ADCY8: variants seen among roughly 807,000 people sequenced by gnomAD.
ADCY8 encodes adenylate cyclase 8.
ADCY8 carries 51 observed loss-of-function variants against 119.7 expected under a neutral mutation model. The ratio of observed to expected loss-of-function variants is 0.43; its 90% CI spans 0.34 to 0.54. The LOEUF is 0.54. ADCY8 is among the 20% of genes least tolerant of loss of function. The probability of loss-of-function intolerance (pLI) is 0.03; values close to 1 mark genes in which losing one functional copy is unlikely to be tolerated. For synonymous variants in ADCY8, 665 were observed against 651.0 expected (o/e 1.02, Z -0.33); for missense variants, 1,383 against 1,598.8 (o/e 0.87, Z 2.30).
chr8:131,039,570 GT>G lies in ADCY8; in HGVS notation c.763del (p.Thr255ProfsTer17). On this transcript the variant is annotated frameshift_variant, in exon 1 of 18. Transcript: ENST00000286355. LOFTEE classifies it high-confidence loss of function. ...SGVVTWVAMTTQILAAGLGYG... is the reference protein window; with the variant it reads ...SGVVTWVAMTXQILAAGLGYG... ...GCCGAGGCCTGCTGCCAGGATCTGG[GT>G]GGTCATGGCCACCCAGGTGACCACG... is the stretch of plus-strand genomic sequence containing the variant. The G allele has an allele frequency of 6.2e-7, 1 of 1,613,882 alleles. No homozygotes were observed. The highest frequency in any genetic ancestry group is 1.6e-4 in the Middle Eastern group (1 of 6,062).
chr8:130,869,137 A>C (rs575614311), intron 8 of ADCY8, among the ~76,000 whole-genome samples: 1 of 152,296 alleles, frequency 6.6e-6, no homozygotes, highest in Admixed American at 6.5e-5. Context: ...CTGTTCAGAG[A>C]CTGCACAGTT....
intron 9 of ADCY8, among the ~76,000 whole-genome samples, chr8:130,864,790 C>A (rs1259516001): frequency 2.0e-5 from 3 of 151,996 alleles, no homozygotes; most frequent in Non-Finnish European, 4.4e-5. Flanking sequence ...CTATTAGAAC[C>A]TTTAATATAT....
At chr8:131,038,360 T>G (rs1824231096) in intron 1 of ADCY8, among the ~76,000 whole-genome samples, 1 of 152,208 alleles carries the variant, frequency 6.6e-6, no homozygotes, top group Non-Finnish European at 1.5e-5. Flanking sequence ...ACCAGCCATC[T>G]GTTTGAAAAC....
intron 8 of ADCY8, among the ~76,000 whole-genome samples, chr8:130,874,682 T>C (rs1397956876): frequency 6.6e-6 from 1 of 152,156 alleles, no homozygotes. Context: ...AGACCCTAGG[T>C]TGGTAATACA....
In ADCY8 at chr8:130,987,680, G is replaced by A. The variant is rs772915778; in HGVS notation, c.1110+2713C>T. The stretch of plus-strand genomic sequence containing the variant: ...GTTCTTACAGCATCTCCTTCACAGG[G>A]TATAGAATTTTTAACAATTATGGCA... On this transcript the variant is annotated intron_variant, in intron 2 of 17. Coordinates refer to ENST00000286355, the MANE Select transcript of ADCY8 (RefSeq NM_001115.3). Among the ~76,000 whole-genome samples the A allele has an allele frequency of 9.2e-5, 14 of 152,080 alleles. 1 individual carries two copies. The highest frequency in any genetic ancestry group is 1.8e-4 in the Non-Finnish European group (12 of 68,014).
At chr8:130,800,671 C>T in intron 14 of ADCY8, 99 bp from the exon 15 acceptor site, 1 of 1,304,276 alleles carries the variant, frequency 7.7e-7, no homozygotes, top group Non-Finnish European at 1.1e-6. Flanking sequence ...CGTGCACAGT[C>T]ACCCACAGAG....
chr8:130,827,531 C>T (rs1400277715), intron 12 of ADCY8, among the ~76,000 whole-genome samples: 4 of 152,230 alleles, frequency 2.6e-5, no homozygotes, highest in Non-Finnish European at 5.9e-5. Context: ...AAATCTGGCA[C>T]ATCTGCTGCT....
chr8:130,825,568 G>A (rs1309417534), intron 12 of ADCY8, among the ~76,000 whole-genome samples: 1 of 152,196 alleles, frequency 6.6e-6, no homozygotes. Context: ...CCCAAGTGAA[G>A]TAGTTTCCAT....
intron 14 of ADCY8, among the ~76,000 whole-genome samples, chr8:130,803,515 G>C (rs375598745): frequency 6.6e-6 from 1 of 152,154 alleles, no homozygotes; most frequent in Non-Finnish European, 1.5e-5. Flanking sequence ...TAGACAGTCT[G>C]GTCCAAGGTA....
chr8:130,992,091 A>C (rs896215116), intron 1 of ADCY8, among the ~76,000 whole-genome samples: 2 of 150,048 alleles, frequency 1.3e-5, no homozygotes, highest in Non-Finnish European at 3.0e-5. Context: ...TATTTTATAT[A>C]CTTTTTTGAA....
chr8:130,798,238 A>G (rs558290018), intron 15 of ADCY8, among the ~76,000 whole-genome samples: 4 of 152,268 alleles, frequency 2.6e-5, no homozygotes, highest in Admixed American at 6.5e-5. Context: ...AGCCTTTATG[A>G]TAGGAGGTTT....
At chr8:130,789,266 TGG>T (rs1194952854) in intron 15 of ADCY8, among the ~76,000 whole-genome samples, 2 of 152,214 alleles carry the variant, frequency 1.3e-5, no homozygotes, top group African/African-American at 2.4e-5. Context: ...TCTAATGGGC[TGG>T]CTAATCTCAA....
intron 5 of ADCY8, among the ~76,000 whole-genome samples, chr8:130,921,049 T>C (rs1486850673): frequency 6.6e-6 from 1 of 152,246 alleles, no homozygotes; most frequent in East Asian, 1.9e-4. Flanking sequence ...CAGAGAACCC[T>C]AACACAAACA....
Position 130,800,529 on chromosome 8 carries a change from G to A in ADCY8, c.2957C>T (p.Ala986Val). The A allele has an allele frequency of 6.2e-7, 1 of 1,614,096 alleles. No homozygotes were observed. The highest frequency in any genetic ancestry group is 8.5e-7 in the Non-Finnish European group (1 of 1,180,008). ...QSYDAVGVMF[A>V]SIPGFADFYS... ...AAAGTCCGCAAATCCTGGGATGGAGGCAAACATCACCCCAACAGCATCATA... is the reference window on the plus strand; with the variant it reads ...AAAGTCCGCAAATCCTGGGATGGAGACAAACATCACCCCAACAGCATCATA... The change falls in exon 15 of 18, where the codon GCC (alanine) becomes GTC (valine). Residue 986 changes from alanine (A) to valine (V), a missense_variant. Around this residue, in one of 2 missense-constraint regions of ADCY8, gnomAD observed 928 missense variants for 1,163.5 expected, o/e 0.80. Transcript: ENST00000286355.
intron 15 of ADCY8, 29 bp downstream of exon 15, chr8:130,800,397 G>A: frequency 6.2e-7 from 1 of 1,612,982 alleles, no homozygotes; most frequent in South Asian, 1.1e-5. Context: ...GCCCATTTGT[G>A]ATTGTAAATG....
chr8:131,039,967 C>A lies in ADCY8; in HGVS notation c.367G>T (p.Gly123Cys). The change falls in exon 1 of 18, where the codon GGC becomes TGC. Residue 123 changes from glycine to cysteine, a missense_variant. By Grantham distance (159) the Gly-to-Cys change is radical. Around this residue, in one of 2 missense-constraint regions of ADCY8, gnomAD observed 455 missense variants for 435.3 expected, o/e 1.05. Transcript: ENST00000286355. Reference protein sequence around the residue: ...SGSGSASGSGGGGDLGFLHLD... With the variant: ...SGSGSASGSGCGGDLGFLHLD... ...TGCAGGAAGCCCAGGTCGCCCCCGC[C>A]TCCGCTGCCGCTGGCACTGCCGCTC... The A allele has an allele frequency of 6.3e-7, 1 of 1,585,288 alleles. No homozygotes were observed. Among genetic ancestry groups the A allele is most frequent in the Non-Finnish European group, 8.6e-7 (1 of 1,166,626 alleles).
At chr8:130,942,523 C>T (rs771547416) in intron 4 of ADCY8, among the ~76,000 whole-genome samples, 4 of 152,138 alleles carry the variant, frequency 2.6e-5, no homozygotes, top group Non-Finnish European at 5.9e-5. Flanking sequence ...ATGTACAATA[C>T]CTAGTAGGTG....
chr8:130,846,937 TTCTC>T (rs1254891531), intron 11 of ADCY8, among the ~76,000 whole-genome samples: 1 of 124,736 alleles, frequency 8.0e-6, no homozygotes, highest in Non-Finnish European at 1.7e-5. Context: ...CCTTCCTTCC[TTCTC>T]CTTCCTTCCT....
chr8:130,992,376 A>G (rs78221212), intron 1 of ADCY8, among the ~76,000 whole-genome samples: 78,050 of 121,976 alleles, frequency 0.64, 25,350 homozygotes, highest in East Asian at 0.88. Context: ...GAGCAACTGT[A>G]TCTGGCATAT....
Sources: allele counts gnomAD v4.1 joint callset (sites outside exome capture counted in the v4.1 genomes callset), GRCh38; gene constraint gnomAD v4.1.1; regional missense constraint gnomAD v4.1.1; transcripts MANE v1.5; gene names NCBI Gene and HGNC (gene_info 2026-07-23, HGNC 2026-07-21).